DSC1: variants seen among roughly 807,000 people sequenced by gnomAD.
DSC1 encodes desmocollin 1, also known as desmocollin-1.
Under a neutral mutation model 98.8 loss-of-function variants are expected in DSC1, and 79 were observed. That is an observed-to-expected ratio of 0.80 (90% CI 0.67 to 0.96). The LOEUF (loss-of-function observed/expected upper bound fraction) is 0.96. Among genes scored for constraint, DSC1 ranks in the 50% least tolerant of loss-of-function variants. The pLI, the probability that DSC1 is intolerant of heterozygous loss-of-function variation, is 0.00. For synonymous variants in DSC1, 405 were observed against 372.1 expected, an observed-to-expected ratio of 1.09 and a Z score of -1.02; for missense variants, 1,115 against 1,075.9, an observed-to-expected ratio of 1.04 and a Z score of -0.51.
chr18:31,156,092 G>T lies in DSC1; in HGVS notation c.422C>A (p.Ala141Asp), dbSNP rs773770610. ...ACCCAACGAGTTCTCCATCAATGAA[G>T]CTGGAATAGGAGCCCATCGTCTCTT... ...RSKRRWAPIP[A>D]SLMENSLGPF... The change falls in exon 4 of 16, where the codon GCT becomes GAT. Residue 141 changes from alanine (A) to aspartate (D), a missense_variant. Physicochemically the swap from Ala to Asp is moderately radical, Grantham distance 126. Transcript: ENST00000257198. The T allele has an allele frequency of 1.2e-6, 2 of 1,614,148 alleles. No homozygotes were observed. The highest frequency in any genetic ancestry group is 1.7e-6 in the Non-Finnish European group (2 of 1,180,024).
chr18:31,143,410 A>T (rs1341719345), intron 8 of DSC1, among the ~76,000 whole-genome samples: 2 of 151,606 alleles, frequency 1.3e-5, no homozygotes, highest in East Asian at 3.9e-4. Context: ...AGTTTAACAC[A>T]TGAGCTACGT....
Position 31,150,357 on chromosome 18 carries a change from C to CCATCAT in DSC1, c.628-1721_628-1716dup, listed in dbSNP as rs1988962910. Among the ~76,000 whole-genome samples, 9 of 1,574 alleles carry CCATCAT rather than the reference C, an allele frequency of 5.7e-3. 3 individuals carry two copies. The highest frequency in any genetic ancestry group is 0.033 in the East Asian group (1 of 30). 1.0% of individuals were successfully genotyped at this position (1,574 alleles called of 152,430 possible). ...ACCACTACCATCACCACCACCACCA[C>CCATCAT]CATCATCACCACCACCATCATCACC... On this transcript the variant is annotated intron_variant, in intron 5 of 15. Coordinates refer to ENST00000257198, the MANE Select transcript of DSC1 (RefSeq NM_024421.2).
In DSC1 at chr18:31,146,036, A is replaced by G. The variant is rs961299918; in HGVS notation, c.773-259T>C. 2.6e-5 allele frequency among the ~76,000 whole-genome samples: 4 copies of G among 152,162 alleles called. No homozygotes were observed. In the East Asian group the frequency reaches 7.7e-4, roughly 29 times the overall value. Reference sequence around the variant, plus strand: ...AACAGTTCCCACACTACCCTTAGAAACAGTAGTTCTGAAATTCTTTCTCTC... The same window carrying G: ...AACAGTTCCCACACTACCCTTAGAAGCAGTAGTTCTGAAATTCTTTCTCTC... On this transcript the variant is annotated intron_variant, in intron 6 of 15. Transcript: ENST00000257198.
Position 31,134,010 on chromosome 18 carries a change from T to A in DSC1, c.1997A>T (p.Asp666Val). Residue 666 changes from aspartate (D) to valine (V), a missense_variant, in exon 13 of 16, where the codon GAC becomes GTC. Transcript: ENST00000257198. ...ATHMLTVRVC[D>V]CSTPSECRMK... is the part of the protein sequence containing the mutation. ...TCTACACTCAGATGGAGTTGAACAG[T>A]CACATACTCTCACTGTTAACATATG... 1.9e-6 allele frequency: 3 copies of A among 1,613,300 alleles called. No individual in the cohort carries two copies. In the South Asian group the frequency reaches 3.3e-5, roughly 18 times the overall value.
At chr18:31,157,098 G>A (rs62087350) in intron 3 of DSC1, among the ~76,000 whole-genome samples, 373 of 152,270 alleles carry the variant, frequency 2.4e-3, no homozygotes, top group Non-Finnish European at 4.1e-3. Context: ...AGGTTGGTTT[G>A]TTCTTATTCC....
rs762795811 is a variant in DSC1, at chr18:31,156,115, C to G, written c.399G>C (p.Lys133Asn). The change falls in exon 4 of 16, where the codon AAG becomes AAC. Residue 133 changes from lysine (K) to asparagine (N), a missense_variant. Transcript: ENST00000257198. ...AAGCTGGAATAGGAGCCCATCGTCT[C>G]TTGCTGCGCTTGAGGGCTGTGTCTT... ...HTKDTALKRS[K>N]RRWAPIPASL... 1 of 1,614,180 alleles carries G rather than the reference C, an allele frequency of 6.2e-7. No individual in the cohort carries two copies. The highest frequency in any genetic ancestry group is 8.5e-7 in the Non-Finnish European group (1 of 1,180,034).
At chr18:31,157,296 G>A (rs544213070) in intron 3 of DSC1, 75 bp downstream of exon 3, 71 of 1,455,620 alleles carry the variant, frequency 4.9e-5, no homozygotes, top group Admixed American at 6.0e-5. Context: ...CATGAAACAC[G>A]TTAAAACACA....
Position 31,142,040 on chromosome 18 carries a change from T to C in DSC1, c.1219A>G (p.Thr407Ala). Residue 407 changes from threonine (T) to alanine (A), a missense_variant, in exon 9 of 16, where the codon ACA (threonine) becomes GCA (alanine). Coordinates refer to ENST00000257198, the MANE Select transcript of DSC1 (RefSeq NM_024421.2). Reference sequence around the variant, plus strand: ...ACTCCTTCATTTGTATTTGGATCTGTGCTAATTATGAAGTTTCCATTTTCA... The same window carrying C: ...ACTCCTTCATTTGTATTTGGATCTGCGCTAATTATGAAGTTTCCATTTTCA... ...GNENGNFIIS[T>A]DPNTNEGVLC... is the part of the protein sequence containing the mutation. 1 of 1,612,236 alleles carries C rather than the reference T, an allele frequency of 6.2e-7. No individual in the cohort carries two copies. The highest frequency in any genetic ancestry group is 8.5e-7 in the Non-Finnish European group (1 of 1,179,506).
At chr18:31,142,413 C>G (rs944565653) in intron 8 of DSC1, among the ~76,000 whole-genome samples, 16 of 152,118 alleles carry the variant, frequency 1.1e-4, no homozygotes, top group Non-Finnish European at 1.8e-4. Flanking sequence ...ATCTTCTGAA[C>G]TTCTCTGAGA....
At position 31,159,047 on chromosome 18, in the gene DSC1, G is replaced by GTTTTGTTTTTTTT. The variant is rs1555646386; in HGVS notation, c.148+397_148+398insAAAAAAAACAAAA. Among the ~76,000 whole-genome samples, 18 of 71,072 alleles carry GTTTTGTTTTTTTT rather than the reference G, an allele frequency of 2.5e-4. 1 individual carries two copies. The East Asian group carries it at 9.4e-3, about 37-fold the overall frequency. 46.6% of individuals were successfully genotyped at this position (71,072 alleles called of 152,430 possible). A position where few individuals can be genotyped will look rare whatever the true frequency, so the allele number is the denominator to read the frequency against. On this transcript the variant is annotated intron_variant, in intron 2 of 15. Transcript: ENST00000257198. ...TTTAACTTCAAGTAGCTACTATGTG[G>GTTTTGTTTTTTTT]TTTTTTTTTTTTTTTTTGAGACAGA...
rs1416067014 is a variant in DSC1, at chr18:31,157,533, C to T, written c.189G>A (p.Arg63=). The change falls in exon 3 of 16, where the codon CGG becomes CGA. Residue 63 remains arginine (R), a synonymous_variant. Transcript: ENST00000257198. ...EECLKSASLI[R]SSDPAFRILE... is the part of the protein sequence containing the mutation. ...GAATTCTGAAGGCAGGGTCACTGGA[C>T]CGGATTAGGCTGGCCGACTTGAGAC... 8.7e-6 allele frequency: 14 copies of T among 1,614,028 alleles called. No homozygotes were observed. The highest frequency in any genetic ancestry group is 6.7e-5 in the East Asian group (3 of 44,896).
At chr18:31,158,896 G>C (rs182167682) in intron 2 of DSC1, among the ~76,000 whole-genome samples, 1 of 151,940 alleles carries the variant, frequency 6.6e-6, no homozygotes, top group Admixed American at 6.6e-5. Flanking sequence ...CGTAATCCAA[G>C]ATAATTGAGC....
chr18:31,136,309 A>G (rs1305504693), intron 11 of DSC1, among the ~76,000 whole-genome samples: 1 of 152,204 alleles, frequency 6.6e-6, no homozygotes, highest in East Asian at 1.9e-4. Flanking sequence ...GTTGATATAT[A>G]TACTATAATT....
intron 6 of DSC1, among the ~76,000 whole-genome samples, chr18:31,147,413 C>T (rs75939428): frequency 0.23 from 35,604 of 151,954 alleles, 4,687 homozygotes; most frequent in East Asian, 0.56. Context: ...ACTAATCTAA[C>T]CAGTTAGTAA....
At chr18:31,145,002 C>G (rs1250587237) in intron 7 of DSC1, among the ~76,000 whole-genome samples, 3 of 145,592 alleles carry the variant, frequency 2.1e-5, no homozygotes, top group East Asian at 2.1e-4. Context: ...TGCAGTGGCG[C>G]GATCTCGGCT....
At chr18:31,136,023 TC>T (rs1375216871) in intron 11 of DSC1, among the ~76,000 whole-genome samples, 2 of 152,078 alleles carry the variant, frequency 1.3e-5, no homozygotes, top group African/African-American at 4.8e-5. Flanking sequence ...ATTAATTTAT[TC>T]AGTGACTTTT....
chr18:31,159,657 T>A, intron 1 of DSC1, 128 bp from the exon 2 acceptor site: 1 of 876,978 alleles, frequency 1.1e-6, no homozygotes, highest in Non-Finnish European at 1.7e-6. Flanking sequence ...TTCTTTACAT[T>A]TTTAATACTC....
intron 3 of DSC1, among the ~76,000 whole-genome samples, chr18:31,156,852 A>G (rs1018990139): frequency 6.6e-6 from 1 of 152,220 alleles, no homozygotes; most frequent in African/African-American, 2.4e-5. Flanking sequence ...CCTAGAGTTA[A>G]ACATTCAAAT....
chr18:31,154,271 G>T, intron 5 of DSC1, among the ~76,000 whole-genome samples: 1 of 126,692 alleles, frequency 7.9e-6, no homozygotes, highest in Non-Finnish European at 1.8e-5. Context: ...TGAGAGAAAG[G>T]GATGCAAAAA....
Sources: gnomAD v4.1 joint callset for allele counts (sites outside exome capture counted in the v4.1 genomes callset) on GRCh38, gnomAD v4.1.1 for gene constraint, MANE v1.5 for transcripts, NCBI Gene and HGNC (gene_info 2026-07-23, HGNC 2026-07-21) for gene names.